Variants in FAM228B observed in about 807,000 individuals in gnomAD.
FAM228B encodes family with sequence similarity 228 member B.
A neutral mutation model predicts 42.6 loss-of-function variants in FAM228B; 38 were observed. The ratio of observed to expected loss-of-function variants is 0.89; its 90% CI spans 0.69 to 1.17. The LOEUF is 1.17. Among genes scored for constraint, FAM228B ranks in the 50% most tolerant of loss-of-function variants. The pLI, the probability that FAM228B is intolerant of heterozygous loss-of-function variation, is 0.00. For missense variants in FAM228B, 344 were observed against 367.3 expected (o/e 0.94, Z 0.52); for synonymous variants, 109 against 122.3 (o/e 0.89, Z 0.72).
In FAM228B at chr2:24,100,197, C is replaced by T. The variant is rs574107344; in HGVS notation, c.-121+4968C>T. 3.6e-4 allele frequency among the ~76,000 whole-genome samples: 55 copies of T among 152,274 alleles called. No homozygotes were observed. In the South Asian group the frequency reaches 0.011, roughly 30 times the overall value. On this transcript the variant is annotated intron_variant, in intron 3 of 10. Coordinates refer to the FAM228B transcript ENST00000613899. ...AAAACCTAGGCAATACCATTCAGGA[C>T]GTAGGCATGGGCAAGGACTTCATGA...
chr2:24,169,335 C>G lies in FAM228B; in HGVS notation c.*15-21C>G, dbSNP rs754393819. 1.1e-4 allele frequency: 49 copies of G among 466,516 alleles called. No homozygotes were observed. The highest frequency in any genetic ancestry group is 9.4e-4 in the African/African-American group (47 of 50,014). The allele number at this position is 466,516 out of a possible 1,614,324, so 28.9% of individuals were successfully genotyped here. A position where few individuals can be genotyped will look rare whatever the true frequency, so the allele number is the denominator to read the frequency against. ...CATCCCCATACCACACTCAACTCTT[C>G]CCTTTTGTCACCTTCAAAAGGTTTC... On this transcript the variant is annotated intron_variant, in intron 10 of 10. Transcript: ENST00000615575. The surrounding 1 kb of genome is among the most constrained non-coding windows in gnomAD (Gnocchi z 4.2).
chr2:24,116,561 A>G (rs889112243), intron 3 of FAM228B, among the ~76,000 whole-genome samples: 1 of 151,708 alleles, frequency 6.6e-6, no homozygotes, highest in African/African-American at 2.4e-5. Flanking sequence ...TCTTTTTTCA[A>G]CCTGAGGACC....
intron 2 of FAM228B, among the ~76,000 whole-genome samples, chr2:24,134,284 A>C (rs1666525906): frequency 6.6e-6 from 1 of 152,212 alleles, no homozygotes; most frequent in Non-Finnish European, 1.5e-5. Flanking sequence ...GAAAAAGAAC[A>C]GGAGATTGAA....
intron 7 of FAM228B, among the ~76,000 whole-genome samples, chr2:24,155,397 G>T (rs1053175379): frequency 6.6e-6 from 1 of 150,936 alleles, no homozygotes; most frequent in South Asian, 2.1e-4. Flanking sequence ...CTAGCCTTAT[G>T]GGGGCTGGCG....
chr2:24,139,038 G>A (rs367637440), intron 4 of FAM228B, among the ~76,000 whole-genome samples: 3 of 151,900 alleles, frequency 2.0e-5, no homozygotes, highest in East Asian at 1.9e-4. Flanking sequence ...GATTATTTGC[G>A]AAGCTCTAAA....
intron 2 of FAM228B, among the ~76,000 whole-genome samples, chr2:24,133,015 T>C (rs752044132): frequency 2.0e-5 from 3 of 152,210 alleles, no homozygotes; most frequent in Admixed American, 6.6e-5. Context: ...TTTTCCAGTA[T>C]TTTTCCTCTC....
chr2:24,091,858 T>A (rs575417782), intron 2 of FAM228B, among the ~76,000 whole-genome samples: 7 of 152,320 alleles, frequency 4.6e-5, no homozygotes, highest in African/African-American at 1.7e-4. Flanking sequence ...ATGCCAACAG[T>A]ATATTTTTTG....
upstream of FAM228B, chr2:24,121,022 G>C: frequency 9.2e-7 from 1 of 1,088,220 alleles, no homozygotes; most frequent in Non-Finnish European, 1.3e-6. Context: ...TGTCTTCCTG[G>C]CACTAGACTG....
At chr2:24,135,026 A>G (rs1666547155) in intron 2 of FAM228B, 93 bp from the exon 3 acceptor site, 2 of 812,810 alleles carry the variant, frequency 2.5e-6, no homozygotes, top group Non-Finnish European at 2.0e-6. Flanking sequence ...AGAACTTTCC[A>G]GGGATATGTC....
At chr2:24,151,724 C>T (rs925100730) in intron 7 of FAM228B, among the ~76,000 whole-genome samples, 3 of 151,652 alleles carry the variant, frequency 2.0e-5, no homozygotes, top group Admixed American at 1.3e-4. Flanking sequence ...GCTCTGTCCC[C>T]CAGGCTGCAG....
chr2:24,164,593 CCACACGATGAGGGTGCCCCCTGGTGGGT>C (rs1667359442), intron 9 of FAM228B, among the ~76,000 whole-genome samples: 1 of 17,300 alleles, frequency 5.8e-5, no homozygotes, highest in Admixed American at 9.8e-4. Context: ...CCTGGTGGAG[CCACACGATGAGGGTGCCCCCTGGTGGGT>C]GGGCCACGCT....
intron 8 of FAM228B, among the ~76,000 whole-genome samples, chr2:24,163,642 C>A (rs1667332468): frequency 6.6e-6 from 1 of 152,132 alleles, no homozygotes; most frequent in South Asian, 2.1e-4. Context: ...TTACAATAAT[C>A]AGCATCTTAA....
intron 7 of FAM228B, among the ~76,000 whole-genome samples, chr2:24,149,739 T>G (rs1666982669): frequency 6.6e-6 from 1 of 152,206 alleles, no homozygotes; most frequent in Non-Finnish European, 1.5e-5. Context: ...GGCTTGTTGG[T>G]TGATTTGTAA....
At chr2:24,158,810 G>T (rs1667222433) in intron 7 of FAM228B, among the ~76,000 whole-genome samples, 1 of 152,164 alleles carries the variant, frequency 6.6e-6, no homozygotes, top group Admixed American at 6.5e-5. Context: ...TTTGAGAATT[G>T]TTATCCTCTG....
At chr2:24,140,734 G>A (rs1431365516) in intron 5 of FAM228B, among the ~76,000 whole-genome samples, 2 of 151,874 alleles carry the variant, frequency 1.3e-5, no homozygotes, top group African/African-American at 4.8e-5. Context: ...GGCCAAGGCG[G>A]GTGGATCACC....
rs796612584 is a variant in FAM228B at position 24,136,790 on chromosome 2, C to A, written c.169-1119C>A. 5.9e-5 allele frequency among the ~76,000 whole-genome samples: 9 copies of A among 152,254 alleles called. 1 individual carries two copies. The highest frequency in any genetic ancestry group is 2.2e-4 in the African/African-American group (9 of 41,542). On this transcript the variant is annotated intron_variant, in intron 3 of 10. Coordinates refer to ENST00000615575, the MANE Select transcript of FAM228B (RefSeq NM_001145710.2). ...TAAATATACACAATATAAAATTTGCCATTTTAACCATTTTAAGTGTACCAT... is the reference window on the plus strand; with the variant it reads ...TAAATATACACAATATAAAATTTGCAATTTTAACCATTTTAAGTGTACCAT...
intron 2 of FAM228B, among the ~76,000 whole-genome samples, chr2:24,090,194 G>C (rs1043738075): frequency 6.6e-6 from 1 of 150,998 alleles, no homozygotes; most frequent in African/African-American, 2.4e-5. Flanking sequence ...CGTGAACCCG[G>C]GAGGCGGAGC....
At chr2:24,082,033 T>C (rs1388657296) in intron 2 of FAM228B, among the ~76,000 whole-genome samples, 7 of 148,562 alleles carry the variant, frequency 4.7e-5, no homozygotes, top group Non-Finnish European at 9.0e-5. Flanking sequence ...CTCACTCTAC[T>C]GCCCAGGCTG....
intron 9 of FAM228B, 33 bp from the exon 10 acceptor site, chr2:24,167,594 A>G (rs1233868506): frequency 1.3e-6 from 2 of 1,551,132 alleles, no homozygotes; most frequent in Admixed American, 3.9e-5. Flanking sequence ...GTCTCGTATA[A>G]CATAATGACC....
Sources: gnomAD v4.1 joint callset for allele counts (sites outside exome capture counted in the v4.1 genomes callset) on GRCh38, gnomAD v4.1.1 for gene constraint, Gnocchi (gnomAD v3.1) non-coding constraint, MANE v1.5 for transcripts, NCBI Gene and HGNC (gene_info 2026-07-23, HGNC 2026-07-21) for gene names.